EYS: variants seen among roughly 807,000 people sequenced by gnomAD.
EYS encodes EGF-like photoreceptor maintenance factor.
In EYS, 250 loss-of-function variants were observed where a neutral mutation model predicts 282.1. The ratio of observed to expected loss-of-function variants is 0.89; its 90% CI spans 0.80 to 0.98. The LOEUF (loss-of-function observed/expected upper bound fraction) is 0.98, where lower values mean the gene tolerates loss of function less well. EYS is among the 50% of genes least tolerant of loss of function. The probability of loss-of-function intolerance (pLI) is 0.00; values close to 1 mark genes in which losing one functional copy is unlikely to be tolerated. For synonymous variants in EYS, 1,355 were observed against 1,282.9 expected (o/e 1.06, Z -1.20); for missense variants, 4,016 against 3,709.0 (o/e 1.08, Z -2.15).
intron 31 of EYS, among the ~76,000 whole-genome samples, chr6:64,122,718 TAAAC>T (rs997553629): frequency 5.9e-5 from 9 of 152,172 alleles, no homozygotes; most frequent in South Asian, 2.1e-4. Context: ...TTATCACTGC[TAAAC>T]AAACAAATAA....
chr6:63,978,230 T>C (rs1241619265), intron 35 of EYS, among the ~76,000 whole-genome samples: 2 of 151,986 alleles, frequency 1.3e-5, no homozygotes, highest in Non-Finnish European at 2.9e-5. Context: ...AACTATGAAA[T>C]CATTTATGCT....
At chr6:65,294,325 G>T (rs1252049185) in intron 12 of EYS, among the ~76,000 whole-genome samples, 1 of 151,878 alleles carries the variant, frequency 6.6e-6, no homozygotes, top group Non-Finnish European at 1.5e-5. Context: ...GAAAGCCAGA[G>T]GATTTTTTAT....
At chr6:65,113,136 C>G (rs991400153) in intron 12 of EYS, among the ~76,000 whole-genome samples, 2 of 151,962 alleles carry the variant, frequency 1.3e-5, no homozygotes, top group African/African-American at 4.8e-5. Context: ...ACATGAGGCA[C>G]TAAGTGTTAT....
At chr6:64,887,848 A>G (rs987008212) in intron 18 of EYS, among the ~76,000 whole-genome samples, 4 of 152,100 alleles carry the variant, frequency 2.6e-5, no homozygotes, top group African/African-American at 9.7e-5. Flanking sequence ...GGTCCTGTTA[A>G]AGCATGGCTA....
intron 41 of EYS, among the ~76,000 whole-genome samples, chr6:63,743,228 T>A (rs1206871572): frequency 6.6e-6 from 1 of 152,172 alleles, no homozygotes; most frequent in African/African-American, 2.4e-5. Flanking sequence ...TGGGTATACA[T>A]TATACTTATT....
chr6:64,377,583 G>C (rs1772600275), intron 29 of EYS, among the ~76,000 whole-genome samples: 1 of 152,088 alleles, frequency 6.6e-6, no homozygotes, highest in Non-Finnish European at 1.5e-5. Flanking sequence ...AAAACATTGA[G>C]ATAGTAAATG....
intron 12 of EYS, among the ~76,000 whole-genome samples, chr6:65,079,882 A>T (rs1228362962): frequency 6.6e-6 from 1 of 152,138 alleles, no homozygotes; most frequent in African/African-American, 2.4e-5. Context: ...CAACAACCAG[A>T]AAATTTGATG....
chr6:64,004,841 C>T (rs1471137593), intron 33 of EYS, among the ~76,000 whole-genome samples: 3 of 152,178 alleles, frequency 2.0e-5, no homozygotes, highest in Non-Finnish European at 4.4e-5. Context: ...CTATTTACCA[C>T]ATTTTCTTTA....
rs544717316 is a variant in EYS, at chr6:64,283,429, A to G, written c.6191+23541T>C. 2.0e-5 allele frequency among the ~76,000 whole-genome samples: 3 copies of G among 152,312 alleles called. No homozygotes were observed. In the East Asian group the frequency reaches 5.8e-4, roughly 29 times the overall value. On this transcript the variant is annotated intron_variant, in intron 30 of 42. Coordinates refer to ENST00000503581, the MANE Select transcript of EYS (RefSeq NM_001142800.2). Reference sequence around the variant, plus strand: ...TTAGCTCTGTGATGGCAAAGATTTTAGTTAGTTCACACTGTATTCTCAAAG... The same window carrying G: ...TTAGCTCTGTGATGGCAAAGATTTTGGTTAGTTCACACTGTATTCTCAAAG...
At chr6:63,750,013 TCTC>T (rs558183625) in intron 41 of EYS, among the ~76,000 whole-genome samples, 4 of 152,356 alleles carry the variant, frequency 2.6e-5, no homozygotes, top group Admixed American at 2.6e-4. Flanking sequence ...GCCAATTCCT[TCTC>T]CTGTCAGATC....
intron 30 of EYS, among the ~76,000 whole-genome samples, chr6:64,280,073 A>G (rs1768251143): frequency 6.6e-6 from 1 of 152,224 alleles, no homozygotes; most frequent in Non-Finnish European, 1.5e-5. Context: ...TAGAAGTTAT[A>G]CAAATCACAC....
chr6:64,892,452 C>A (rs534300184), intron 18 of EYS, among the ~76,000 whole-genome samples: 29 of 151,800 alleles, frequency 1.9e-4, no homozygotes, highest in Non-Finnish European at 3.5e-4. Flanking sequence ...GAAAATGAAA[C>A]CACTGGTGAA....
intron 26 of EYS, among the ~76,000 whole-genome samples, chr6:64,564,597 TTAGTC>T (rs1244089803): frequency 6.6e-6 from 1 of 151,922 alleles, no homozygotes; most frequent in Non-Finnish European, 1.5e-5. Flanking sequence ...AAATCATACT[TTAGTC>T]TGGAATATAT....
At chr6:63,818,371 CT>C (rs1771235804) in intron 36 of EYS, among the ~76,000 whole-genome samples, 2 of 152,298 alleles carry the variant, frequency 1.3e-5, no homozygotes, top group South Asian at 4.1e-4. Context: ...CATTAAGTTT[CT>C]GTTGGAGTTC....
intron 31 of EYS, among the ~76,000 whole-genome samples, chr6:64,085,403 G>A (rs1403163344): frequency 6.7e-6 from 1 of 150,090 alleles, no homozygotes; most frequent in Non-Finnish European, 1.5e-5. Flanking sequence ...TATGACTATA[G>A]GTCAACAGTC....
At chr6:65,131,025 T>A (rs1775860291) in intron 12 of EYS, among the ~76,000 whole-genome samples, 1 of 151,492 alleles carries the variant, frequency 6.6e-6, no homozygotes, top group African/African-American at 2.4e-5. Flanking sequence ...TTATAAATTA[T>A]ATATACATAT....
At chr6:63,780,756 G>C (rs1293989163) in intron 39 of EYS, among the ~76,000 whole-genome samples, 1 of 152,158 alleles carries the variant, frequency 6.6e-6, no homozygotes, top group Non-Finnish European at 1.5e-5. Flanking sequence ...AGTTTAATTA[G>C]ATCCCATTTG....
intron 22 of EYS, among the ~76,000 whole-genome samples, chr6:64,753,634 T>C (rs1273969392): frequency 6.6e-6 from 1 of 150,706 alleles, no homozygotes; most frequent in Non-Finnish European, 1.5e-5. Context: ...TGCTACTAGA[T>C]AAAAGAGATA....
intron 33 of EYS, among the ~76,000 whole-genome samples, chr6:64,031,144 G>C (rs748958154): frequency 6.6e-6 from 1 of 152,218 alleles, no homozygotes; most frequent in Non-Finnish European, 1.5e-5. Flanking sequence ...CTCAGCTTGC[G>C]GGGAGGTGTG....
Sources: gnomAD v4.1 joint callset for allele counts (sites outside exome capture counted in the v4.1 genomes callset) on GRCh38, gnomAD v4.1.1 for gene constraint, MANE v1.5 for transcripts, NCBI Gene and HGNC (gene_info 2026-07-23, HGNC 2026-07-21) for gene names.